SH3KBP1: variants seen among roughly 807,000 people sequenced by gnomAD.
The protein encoded by SH3KBP1 is SH3 domain containing kinase binding protein 1.
Under a neutral mutation model 50.1 loss-of-function variants are expected in SH3KBP1, and 8 were observed. The observed-to-expected ratio is 0.16, with a 90% CI of 0.09 to 0.29. The LOEUF (loss-of-function observed/expected upper bound fraction) is 0.29, where lower values mean the gene tolerates loss of function less well. Ranked by LOEUF, SH3KBP1 falls within the 10% of genes least tolerant of loss-of-function variation. The pLI is 1.00. For synonymous variants in SH3KBP1, 227 were observed against 218.6 expected, an observed-to-expected ratio of 1.04 and a Z score of -0.34; for missense variants, 377 against 535.2, an observed-to-expected ratio of 0.70 and a Z score of 2.92.
chrX:19,685,854 G>A lies in SH3KBP1; in HGVS notation c.521-1826C>T, dbSNP rs538801485. 2.0e-4 allele frequency among the ~76,000 whole-genome samples: 22 copies of A among 111,330 alleles called. No homozygotes were observed. The South Asian group carries it at 8.3e-3, about 42-fold the overall frequency. On this transcript the variant is annotated intron_variant, in intron 5 of 17. Coordinates refer to ENST00000397821, the MANE Select transcript of SH3KBP1 (RefSeq NM_031892.3). ...CATCACCACTCCCCTCCCTCAGCACGCTCCCCTCATCACCACCAGAAGGCA... is the reference window on the plus strand; with the variant it reads ...CATCACCACTCCCCTCCCTCAGCACACTCCCCTCATCACCACCAGAAGGCA...
At chrX:19,781,082 T>A (rs2066162361) in intron 2 of SH3KBP1, among the ~76,000 whole-genome samples, 1 of 112,204 alleles carries the variant, frequency 8.9e-6, no homozygotes, top group Non-Finnish European at 1.9e-5. Flanking sequence ...TTGTGGTATA[T>A]TCTTACAATG....
chrX:19,639,820 C>CA (rs2061808224), intron 7 of SH3KBP1, among the ~76,000 whole-genome samples: 1 of 108,210 alleles, frequency 9.2e-6, no homozygotes, highest in Non-Finnish European at 1.9e-5. Flanking sequence ...GATATGTGAG[C>CA]AAAACCACTG....
Position 19,534,702 on chromosome X carries a change from G to A in SH3KBP1, c.*1715C>T, listed in dbSNP as rs924140627. On this transcript the variant is annotated 3_prime_UTR_variant, in exon 18 of 18. Transcript: ENST00000397821. ...CCAGGGATGGGAATGGAGGGTATGA[G>A]GTTTCCTTCCTTATACACTCCCTTC... is the stretch of plus-strand genomic sequence containing the variant. 6.9e-6 allele frequency: 2 copies of A among 291,316 alleles called. No individual in the cohort carries two copies. The highest frequency in any genetic ancestry group is 5.6e-5 in the African/African-American group (2 of 35,977). The allele number at this position is 291,316 out of a possible 1,213,427, so 24.0% of individuals were successfully genotyped here.
At chrX:19,538,080 C>G (rs910447682) in intron 16 of SH3KBP1, among the ~76,000 whole-genome samples, 3 of 111,493 alleles carry the variant, frequency 2.7e-5, no homozygotes, top group African/African-American at 9.8e-5. Context: ...AGAGGCCCAG[C>G]GTGGTGGCCT....
At chrX:19,631,271 G>A (rs771134360) in intron 8 of SH3KBP1, among the ~76,000 whole-genome samples, 36 of 112,783 alleles carry the variant, frequency 3.2e-4, no homozygotes, top group Non-Finnish European at 6.4e-4. Flanking sequence ...GTACCATTGT[G>A]TGAAAGCACA....
chrX:19,844,903 C>T (rs763534791), intron 1 of SH3KBP1, among the ~76,000 whole-genome samples: 6 of 110,539 alleles, frequency 5.4e-5, no homozygotes, highest in South Asian at 3.8e-4. Flanking sequence ...GATGGTGAAA[C>T]GCCGTCTCTA....
At chrX:19,874,445 A>AG (rs1168973095) in intron 1 of SH3KBP1, among the ~76,000 whole-genome samples, 2 of 9,242 alleles carry the variant, frequency 2.2e-4, no homozygotes, top group Admixed American at 1.4e-3. Flanking sequence ...GGGGGGGCAA[A>AG]GTGGGGGGGT....
At chrX:19,547,041 A>G (rs1434376998) in intron 14 of SH3KBP1, among the ~76,000 whole-genome samples, 1 of 109,792 alleles carries the variant, frequency 9.1e-6, no homozygotes, top group Admixed American at 9.7e-5. Flanking sequence ...AGTCCCAGCT[A>G]CTCGGGAGGC....
At position 19,818,966 on chromosome X, in the gene SH3KBP1, C is replaced by T. The variant is rs142320415; in HGVS notation, c.162+17159G>A. Among the ~76,000 whole-genome samples, 786 of 111,654 alleles carry T rather than the reference C, an allele frequency of 7.0e-3. 2 individuals carry two copies. The highest frequency in any genetic ancestry group is 0.013 in the African/African-American group (411 of 30,779). On this transcript the variant is annotated intron_variant, in intron 2 of 17. Transcript: ENST00000397821. The stretch of plus-strand genomic sequence containing the variant: ...CACATTCCCTCCTCTTCTATTTTCT[C>T]GAAAAGATTATGCAGAATTGGTGCT...
chrX:19,745,644 G>A (rs984050267), intron 3 of SH3KBP1, among the ~76,000 whole-genome samples: 10 of 111,838 alleles, frequency 8.9e-5, no homozygotes, highest in African/African-American at 1.3e-4. Flanking sequence ...CAGGAAAAAC[G>A]GAGGGACCCT....
intron 6 of SH3KBP1, among the ~76,000 whole-genome samples, chrX:19,645,779 T>TC (rs1212522226): frequency 8.9e-6 from 1 of 112,010 alleles, no homozygotes; most frequent in African/African-American, 3.2e-5. Flanking sequence ...CAGGCATAGT[T>TC]CCCCTCAGTT....
intron 2 of SH3KBP1, among the ~76,000 whole-genome samples, chrX:19,776,017 CG>C (rs1785199725): frequency 9.0e-6 from 1 of 111,159 alleles, no homozygotes; most frequent in African/African-American, 3.3e-5. Flanking sequence ...GCAGGGAGCT[CG>C]CCTGATATTT....
At chrX:19,834,900 T>C (rs2068012882) in intron 2 of SH3KBP1, among the ~76,000 whole-genome samples, 1 of 109,392 alleles carries the variant, frequency 9.1e-6, no homozygotes, top group Non-Finnish European at 1.9e-5. Flanking sequence ...TCGGGCGTGG[T>C]GGCACATGCC....
intron 2 of SH3KBP1, among the ~76,000 whole-genome samples, chrX:19,769,284 C>T (rs774837413): frequency 1.9e-4 from 20 of 104,933 alleles, no homozygotes; most frequent in Non-Finnish European, 3.5e-4. Context: ...CTTTTTTTTT[C>T]GTAGAGACAG....
At chrX:19,605,582 A>G (rs773756291) in intron 9 of SH3KBP1, among the ~76,000 whole-genome samples, 26 of 111,463 alleles carry the variant, frequency 2.3e-4, no homozygotes, top group African/African-American at 8.5e-4. Flanking sequence ...CAGACTGAAC[A>G]GCCCCCTTGC....
At chrX:19,801,070 G>C (rs1278722601) in intron 2 of SH3KBP1, among the ~76,000 whole-genome samples, 5 of 111,790 alleles carry the variant, frequency 4.5e-5, no homozygotes, top group African/African-American at 9.8e-5. Context: ...GCTCTAGGAA[G>C]GACAGCCTAA....
chrX:19,651,936 C>G (rs1460859924), intron 6 of SH3KBP1, among the ~76,000 whole-genome samples: 1 of 111,908 alleles, frequency 8.9e-6, no homozygotes, highest in Non-Finnish European at 1.9e-5. Context: ...TAGTGCCCAC[C>G]TCGAGAGTAG....
rs374025237 is a variant in SH3KBP1, at chrX:19,747,346, C to T, written c.163-905G>A. Among the ~76,000 whole-genome samples, 28 of 112,015 alleles carry T rather than the reference C, an allele frequency of 2.5e-4. 1 individual carries two copies. The South Asian group carries it at 6.3e-3, about 25-fold the overall frequency. On this transcript the variant is annotated intron_variant, in intron 2 of 17. Transcript: ENST00000397821. Reference sequence around the variant, plus strand: ...TAAGTCTGTATACAGGAATTCCCCCCAAAGGAGTAAGGATTTTCTAGGCTT... The same window carrying T: ...TAAGTCTGTATACAGGAATTCCCCCTAAAGGAGTAAGGATTTTCTAGGCTT...
chrX:19,778,417 C>A (rs1164334274), intron 2 of SH3KBP1, among the ~76,000 whole-genome samples: 9 of 79,231 alleles, frequency 1.1e-4, no homozygotes, highest in Middle Eastern at 9.4e-3. Flanking sequence ...GGAGACAGAG[C>A]AAGACTCCAT....
Sources: allele counts gnomAD v4.1 joint callset (sites outside exome capture counted in the v4.1 genomes callset), GRCh38; gene constraint gnomAD v4.1.1; transcripts MANE v1.5; gene names NCBI Gene and HGNC (gene_info 2026-07-23, HGNC 2026-07-21).